MEOX2: variants seen among roughly 807,000 people sequenced by gnomAD.
The protein encoded by MEOX2 is mesenchyme homeobox 2.
Under a neutral mutation model 27.0 loss-of-function variants are expected in MEOX2, and 11 were observed. The observed-to-expected ratio is 0.41, with a 90% CI of 0.26 to 0.68. MEOX2 has a LOEUF of 0.68. Ranked by LOEUF, MEOX2 falls within the 30% of genes least tolerant of loss-of-function variation. The probability of loss-of-function intolerance (pLI) is 0.33; values close to 1 mark genes in which losing one functional copy is unlikely to be tolerated. For synonymous variants in MEOX2, 189 were observed against 155.4 expected, an observed-to-expected ratio of 1.22 and a Z score of -1.61; for missense variants, 436 against 385.4, an observed-to-expected ratio of 1.13 and a Z score of -1.10.
At chr7:15,615,009 C>G (rs948953547) in intron 2 of MEOX2, among the ~76,000 whole-genome samples, 1 of 151,928 alleles carries the variant, frequency 6.6e-6, no homozygotes, top group Non-Finnish European at 1.5e-5. Flanking sequence ...ATTGCCCAAA[C>G]ATGTATTAAT....
intron 1 of MEOX2, among the ~76,000 whole-genome samples, chr7:15,652,224 G>C (rs1383052201): frequency 6.6e-6 from 1 of 152,016 alleles, no homozygotes; most frequent in African/African-American, 2.4e-5. Context: ...AGGTAAATTA[G>C]TTGTGACTGA....
At chr7:15,649,120 C>T (rs993818782) in intron 1 of MEOX2, among the ~76,000 whole-genome samples, 1 of 152,064 alleles carries the variant, frequency 6.6e-6, no homozygotes, top group African/African-American at 2.4e-5. Flanking sequence ...AATAGCCATG[C>T]ATATGCTGAT....
intron 1 of MEOX2, among the ~76,000 whole-genome samples, chr7:15,649,878 G>A (rs1781709682): frequency 6.6e-6 from 1 of 152,042 alleles, no homozygotes; most frequent in Non-Finnish European, 1.5e-5. Flanking sequence ...GCCCTGCAGA[G>A]AGCTTATATT....
intron 1 of MEOX2, among the ~76,000 whole-genome samples, chr7:15,659,705 A>C (rs1781880109): frequency 7.0e-6 from 1 of 143,672 alleles, no homozygotes; most frequent in African/African-American, 2.6e-5. Flanking sequence ...GGTTGTAGTG[A>C]GCCGAGATCG....
chr7:15,617,823 A>G (rs1271785586), intron 2 of MEOX2, among the ~76,000 whole-genome samples: 1 of 152,052 alleles, frequency 6.6e-6, no homozygotes, highest in Non-Finnish European at 1.5e-5. Context: ...TTCTTTTTCT[A>G]TTTCCAAGTC....
chr7:15,681,756 A>G (rs914365385), intron 1 of MEOX2: 2 of 151,876 alleles, frequency 1.3e-5, no homozygotes, highest in Admixed American at 1.3e-4. Context: ...AAAGGTTTCT[A>G]TTGATAATTA....
chr7:15,654,196 C>T (rs1562606853), intron 1 of MEOX2, among the ~76,000 whole-genome samples: 3 of 151,884 alleles, frequency 2.0e-5, no homozygotes, highest in Admixed American at 2.0e-4. Flanking sequence ...TTTTAGAGTA[C>T]ATGTGTTAAT....
At position 15,675,678 on chromosome 7, in the gene MEOX2, G is replaced by C. The variant is rs137916226; in HGVS notation, c.517+10208C>G. On this transcript the variant is annotated intron_variant, in intron 1 of 2. Coordinates refer to ENST00000262041, the MANE Select transcript of MEOX2 (RefSeq NM_005924.5). ...GCTCTTCTAGTGTCTTGATTATTTT[G>C]ATTCTAATCATCTGTTTAAATATTA... Among the ~76,000 whole-genome samples the C allele has an allele frequency of 3.7e-4, 57 of 152,206 alleles. 1 individual carries two copies. Among genetic ancestry groups the C allele is most frequent in the African/African-American group, 1.3e-3 (55 of 41,556 alleles).
intron 1 of MEOX2, among the ~76,000 whole-genome samples, chr7:15,670,162 T>C (rs78081260): frequency 3.3e-5 from 5 of 152,254 alleles, no homozygotes; most frequent in Non-Finnish European, 5.9e-5. Context: ...TTCATATTTC[T>C]GATTTTGCTT....
At chr7:15,631,233 A>AAC (rs1156664423) in intron 1 of MEOX2, among the ~76,000 whole-genome samples, 1 of 148,594 alleles carries the variant, frequency 6.7e-6, no homozygotes, top group Non-Finnish European at 1.5e-5. Flanking sequence ...TCAAAATGCA[A>AAC]AAAAAAAAAA....
At chr7:15,666,562 G>A (rs556249674) in intron 1 of MEOX2, among the ~76,000 whole-genome samples, 1 of 151,404 alleles carries the variant, frequency 6.6e-6, no homozygotes, top group Non-Finnish European at 1.5e-5. Context: ...GACCAGCCTG[G>A]GCAACACGGT....
At chr7:15,622,807 C>T (rs75652552) in intron 2 of MEOX2, among the ~76,000 whole-genome samples, 5,842 of 152,108 alleles carry the variant, frequency 0.038, 518 homozygotes, top group East Asian at 0.37. Context: ...CTCAAGGTGA[C>T]GGCATTAGGA....
intron 1 of MEOX2, among the ~76,000 whole-genome samples, chr7:15,652,092 G>A (rs1313484412): frequency 6.6e-6 from 1 of 151,960 alleles, no homozygotes; most frequent in Non-Finnish European, 1.5e-5. Context: ...AGATAATAGG[G>A]ATTTAAGACT....
intron 1 of MEOX2, among the ~76,000 whole-genome samples, chr7:15,665,177 G>A (rs529131453): frequency 6.6e-6 from 1 of 152,002 alleles, no homozygotes; most frequent in Non-Finnish European, 1.5e-5. Context: ...CCAGAGCCAT[G>A]TGATTCAATA....
At chr7:15,625,285 G>C (rs1416110273) in intron 2 of MEOX2, among the ~76,000 whole-genome samples, 1 of 152,134 alleles carries the variant, frequency 6.6e-6, no homozygotes, top group Non-Finnish European at 1.5e-5. Context: ...TGATGATGTA[G>C]ACTTTGGATC....
At chr7:15,653,092 C>T (rs1406212698) in intron 1 of MEOX2, among the ~76,000 whole-genome samples, 2 of 121,158 alleles carry the variant, frequency 1.7e-5, no homozygotes, top group Admixed American at 1.8e-4. Flanking sequence ...TACATTCCCA[C>T]TAGCGGTGGT....
chr7:15,649,410 G>C (rs560914652), intron 1 of MEOX2, among the ~76,000 whole-genome samples: 1 of 152,110 alleles, frequency 6.6e-6, no homozygotes, highest in South Asian at 2.1e-4. Flanking sequence ...TACTAGAAAA[G>C]AGATAGAAGC....
At chr7:15,682,736 A>G (rs1450171990) in intron 1 of MEOX2, among the ~76,000 whole-genome samples, 1 of 151,934 alleles carries the variant, frequency 6.6e-6, no homozygotes, top group Non-Finnish European at 1.5e-5. Context: ...ATGTAATTGA[A>G]GCCAAGCAAT....
At chr7:15,615,453 T>G (rs1157283914) in intron 2 of MEOX2, among the ~76,000 whole-genome samples, 2 of 151,990 alleles carry the variant, frequency 1.3e-5, no homozygotes, top group South Asian at 2.1e-4. Flanking sequence ...ATAGAGTATG[T>G]GGACGCCATC....
Sources: gnomAD v4.1 joint callset for allele counts (sites outside exome capture counted in the v4.1 genomes callset) on GRCh38, gnomAD v4.1.1 for gene constraint, MANE v1.5 for transcripts, NCBI Gene and HGNC (gene_info 2026-07-23, HGNC 2026-07-21) for gene names.